Variants in RBMS3 observed in about 807,000 individuals in gnomAD.
The protein encoded by RBMS3 is RNA-binding motif, single-stranded-interacting protein 3.
Under a neutral mutation model 66.8 loss-of-function variants are expected in RBMS3, and 27 were observed. That is an observed-to-expected ratio of 0.40 (90% CI 0.30 to 0.56). The LOEUF (loss-of-function observed/expected upper bound fraction) is 0.56, where lower values mean the gene tolerates loss of function less well. Ranked by LOEUF, RBMS3 falls within the 20% of genes least tolerant of loss-of-function variation. The probability of loss-of-function intolerance (pLI) is 0.40; values close to 1 mark genes in which losing one functional copy is unlikely to be tolerated. For synonymous variants in RBMS3, 188 were observed against 183.0 expected, an observed-to-expected ratio of 1.03 and a Z score of -0.22; for missense variants, 513 against 549.5, an observed-to-expected ratio of 0.93 and a Z score of 0.66.
chr3:29,312,831 A>C (rs146610898), intron 1 of RBMS3, among the ~76,000 whole-genome samples: 1 of 151,546 alleles, frequency 6.6e-6, no homozygotes, highest in Non-Finnish European at 1.5e-5. Context: ...GAAACTGTGG[A>C]CTTTAGATAA....
intron 12 of RBMS3, among the ~76,000 whole-genome samples, chr3:29,963,981 T>C (rs2149742851): frequency 6.6e-6 from 1 of 152,272 alleles, no homozygotes; most frequent in Non-Finnish European, 1.5e-5. Flanking sequence ...ATTTCAAATT[T>C]GTTTGCTCAG....
chr3:29,737,266 C>T (rs966267204), intron 4 of RBMS3, among the ~76,000 whole-genome samples: 2 of 152,180 alleles, frequency 1.3e-5, no homozygotes, highest in Non-Finnish European at 1.5e-5. Context: ...TGAGCCACTG[C>T]GCCCGGCCTA....
At chr3:29,731,129 C>G in intron 4 of RBMS3, 1 of 636,078 alleles carries the variant, frequency 1.6e-6, no homozygotes, top group Non-Finnish European at 2.0e-6. Flanking sequence ...TAAAGAATAG[C>G]CTAAATGATC....
chr3:29,841,778 G>A (rs1475294521), intron 6 of RBMS3, among the ~76,000 whole-genome samples: 4 of 152,002 alleles, frequency 2.6e-5, no homozygotes, highest in Non-Finnish European at 5.9e-5. Flanking sequence ...TATAATTGGA[G>A]TAATCTATCA....
intron 3 of RBMS3, among the ~76,000 whole-genome samples, chr3:29,506,874 G>A (rs2148947730): frequency 6.6e-6 from 1 of 151,690 alleles, no homozygotes; most frequent in South Asian, 2.1e-4. Flanking sequence ...GTATATAATT[G>A]TTCATAGAAG....
intron 6 of RBMS3, among the ~76,000 whole-genome samples, chr3:29,824,998 TC>T (rs1339418742): frequency 6.6e-6 from 1 of 152,020 alleles, no homozygotes; most frequent in Non-Finnish European, 1.5e-5. Context: ...TGCCCCAAAG[TC>T]TTCAAACTGT....
At chr3:29,346,802 C>A (rs1024210150) in intron 1 of RBMS3, among the ~76,000 whole-genome samples, 2 of 152,114 alleles carry the variant, frequency 1.3e-5, no homozygotes, top group Non-Finnish European at 2.9e-5. Context: ...TTTGCAGACA[C>A]AATTTAGTTA....
chr3:29,458,078 G>T (rs1271957638), intron 2 of RBMS3, among the ~76,000 whole-genome samples: 1 of 151,966 alleles, frequency 6.6e-6, no homozygotes, highest in Non-Finnish European at 1.5e-5. Flanking sequence ...ATAGCACCTT[G>T]TCCTTAGTCC....
chr3:29,415,554 T>A (rs369603754), intron 1 of RBMS3, among the ~76,000 whole-genome samples: 1 of 152,088 alleles, frequency 6.6e-6, no homozygotes. Flanking sequence ...TAATTTTTGT[T>A]GGGGGAAGAT....
rs1453526728 is a variant in RBMS3, at chr3:29,886,030, AAGAT to A, written c.791+1825_791+1828del. Among the ~76,000 whole-genome samples, 16 of 152,024 alleles carry A rather than the reference AAGAT, an allele frequency of 1.1e-4. No individual in the cohort carries two copies. In the South Asian group the frequency reaches 2.9e-3, roughly 28 times the overall value. On this transcript the variant is annotated intron_variant, in intron 8 of 14. Coordinates refer to ENST00000383767, the MANE Select transcript of RBMS3 (RefSeq NM_001003793.3). ...ATTGTGTTTAGCATTTTTAATTAAAAAGATAGTTTTTGCTGGACCATATCAAAGT... is the reference window on the plus strand; with the variant it reads ...ATTGTGTTTAGCATTTTTAATTAAAAAGTTTTTGCTGGACCATATCAAAGT...
At chr3:29,696,078 T>G (rs553954063) in intron 4 of RBMS3, among the ~76,000 whole-genome samples, 2 of 152,160 alleles carry the variant, frequency 1.3e-5, no homozygotes, top group Admixed American at 1.3e-4. Context: ...ACTCTCCATG[T>G]CTTCTGTTAA....
At chr3:29,697,807 A>T (rs2052348919) in intron 4 of RBMS3, among the ~76,000 whole-genome samples, 2 of 152,354 alleles carry the variant, frequency 1.3e-5, no homozygotes, top group African/African-American at 4.8e-5. Context: ...ACATAAGATC[A>T]GATGTGGAAT....
At chr3:29,816,405 G>C (rs933336378) in intron 6 of RBMS3, among the ~76,000 whole-genome samples, 9 of 151,962 alleles carry the variant, frequency 5.9e-5, no homozygotes, top group African/African-American at 2.2e-4. Flanking sequence ...CAGGTGAGCT[G>C]GGAAATGTAA....
intron 3 of RBMS3, among the ~76,000 whole-genome samples, chr3:29,497,903 G>C (rs1476779615): frequency 1.4e-5 from 2 of 144,804 alleles, no homozygotes; most frequent in Non-Finnish European, 3.0e-5. Flanking sequence ...CCATAGGCCT[G>C]TACAGACAGG....
chr3:29,698,816 G>A (rs182828923), intron 4 of RBMS3, among the ~76,000 whole-genome samples: 1 of 151,852 alleles, frequency 6.6e-6, no homozygotes, highest in African/African-American at 2.4e-5. Flanking sequence ...ATTTTTTGTT[G>A]TACGAAAAAT....
At chr3:29,349,573 A>G (rs898167803) in intron 1 of RBMS3, among the ~76,000 whole-genome samples, 7 of 152,198 alleles carry the variant, frequency 4.6e-5, no homozygotes, top group African/African-American at 1.7e-4. Flanking sequence ...CTCCAAACAG[A>G]TCTTTAACAC....
intron 6 of RBMS3, 66 bp from the exon 7 acceptor site, chr3:29,868,792 A>T: frequency 7.7e-7 from 1 of 1,306,798 alleles, no homozygotes; most frequent in Non-Finnish European, 1.1e-6. Flanking sequence ...CACTACTGTG[A>T]CTCACATAAT....
At chr3:29,988,003 A>C (rs538735759) in intron 12 of RBMS3, 140 bp from the exon 13 acceptor site, 1 of 649,262 alleles carries the variant, frequency 1.5e-6, no homozygotes, top group African/African-American at 1.8e-5. Flanking sequence ...GAGCTGCCTT[A>C]TTTTTAGTGA....
intron 4 of RBMS3, among the ~76,000 whole-genome samples, chr3:29,704,758 T>A (rs948174050): frequency 1.6e-4 from 25 of 152,210 alleles, no homozygotes; most frequent in African/African-American, 5.1e-4. Context: ...TGAAATAATT[T>A]AAAAAATTGT....
Sources: allele counts gnomAD v4.1 joint callset (sites outside exome capture counted in the v4.1 genomes callset), GRCh38; gene constraint gnomAD v4.1.1; transcripts MANE v1.5; gene names NCBI Gene and HGNC (gene_info 2026-07-23, HGNC 2026-07-21).